GBF1: variants seen among roughly 807,000 people sequenced by gnomAD.
The protein encoded by GBF1 is Golgi-specific brefeldin A-resistance guanine nucleotide exchange factor 1.
In GBF1, 114 loss-of-function variants were observed where a neutral mutation model predicts 210.5. The ratio of observed to expected loss-of-function variants is 0.54; its 90% CI spans 0.47 to 0.63. The LOEUF (loss-of-function observed/expected upper bound fraction) is 0.63, where lower values mean the gene tolerates loss of function less well. Among genes scored for constraint, GBF1 ranks in the 30% least tolerant of loss-of-function variants. The pLI, the probability that GBF1 is intolerant of heterozygous loss-of-function variation, is 0.00. For synonymous variants in GBF1, 850 were observed against 889.2 expected (o/e 0.96, Z 0.78); for missense variants, 1,851 against 2,357.7 (o/e 0.79, Z 4.45).
chr10:102,241,572 C>T (rs2070539086), upstream of GBF1: 1 of 152,534 alleles, frequency 6.6e-6, no homozygotes, highest in Non-Finnish European at 1.5e-5. The surrounding 1 kb of genome is among the most constrained non-coding windows in gnomAD (Gnocchi z 6.7). Flanking sequence ...CCCGCCGCGG[C>T]GAGCCGCGCG....
intron 3 of GBF1, among the ~76,000 whole-genome samples, chr10:102,281,552 AT>A (rs1470467403): frequency 6.7e-6 from 1 of 149,298 alleles, no homozygotes; most frequent in African/African-American, 2.4e-5. Context: ...ATTTTTATAA[AT>A]TATCTATAAA....
chr10:102,359,184 G>A (rs1349214661), intron 10 of GBF1, 83 bp from the exon 11 acceptor site: 5 of 948,430 alleles, frequency 5.3e-6, no homozygotes, highest in Non-Finnish European at 6.9e-6. Flanking sequence ...GAGACAGCTT[G>A]GAAGACAGCT....
At chr10:102,231,854 G>C in the GBF1 span, 1 of 1,578,390 alleles carries the variant, frequency 6.3e-7, no homozygotes, top group Non-Finnish European at 8.6e-7. Flanking sequence ...CCGGCTCGGG[G>C]ACCTCCTAAG....
At position 102,351,920 on chromosome 10, in the gene GBF1, C is replaced by T. The variant is rs753205512; in HGVS notation, c.492C>T (p.Cys164=). 1 of 1,608,376 alleles carries T rather than the reference C, an allele frequency of 6.2e-7. No individual in the cohort carries two copies. ...NESVCEIMQS[C]FRICFEMRLS... is the part of the protein sequence containing the mutation. ...CTGTGTGTGAGATTATGCAGTCTTG[C>T]TTCCGGATCTGCTTTGAAATGAGGC... The change falls in exon 6 of 40, where the codon TGC becomes TGT. Residue 164 remains cysteine (C), a synonymous_variant. Coordinates refer to ENST00000369983, the MANE Select transcript of GBF1 (RefSeq NM_001377137.1).
In GBF1 at chr10:102,361,808, C is replaced by T; in HGVS notation, c.1582C>T (p.Gln528Ter). 1 of 1,613,044 alleles carries T rather than the reference C, an allele frequency of 6.2e-7. No homozygotes were observed. Among genetic ancestry groups the T allele is most frequent in the South Asian group, 1.1e-5 (1 of 91,056 alleles). Residue 528 changes from glutamine (Q) to a stop codon, truncating the protein, a stop_gained, in exon 14 of 40, where the codon CAG (glutamine) becomes TAG (stop). Coordinates refer to ENST00000369983, the MANE Select transcript of GBF1 (RefSeq NM_001377137.1). LOFTEE classifies it high-confidence loss of function. Reference sequence around the variant, plus strand: ...GGAGATGGCACTGGAGGCCATTGTGCAGCTCTGGCGCATCCCCAGCTTTGT... The same window carrying T: ...GGAGATGGCACTGGAGGCCATTGTGTAGCTCTGGCGCATCCCCAGCTTTGT... ...MKEMALEAIV[Q>*]LWRIPSFVTE...
chr10:102,288,742 A>AAC (rs2076190345), intron 3 of GBF1, among the ~76,000 whole-genome samples: 1 of 151,156 alleles, frequency 6.6e-6, no homozygotes, highest in Non-Finnish European at 1.5e-5. Flanking sequence ...AAAACAAAAA[A>AAC]AAAAAACGAA....
chr10:102,260,473 C>CTTTTTTTTT lies in GBF1; in HGVS notation c.163+359_163+360insTTTTTTTTT, dbSNP rs879575033. On this transcript the variant is annotated intron_variant, in intron 3 of 39. Transcript: ENST00000369983. ...CTGTGCCTGGCCTATATTTTCCTTT[C>CTTTTTTTTT]TTCTTTTTTTTTTTTTTTTTTTTTT... Among the ~76,000 whole-genome samples the CTTTTTTTTT allele has an allele frequency of 5.8e-3, 433 of 74,630 alleles. 53 individuals are homozygous for CTTTTTTTTT. The highest frequency in any genetic ancestry group is 0.016 in the Middle Eastern group (2 of 128). The allele number at this position is 74,630 out of a possible 152,430, so 49.0% of individuals were successfully genotyped here. A position where few individuals can be genotyped will look rare whatever the true frequency, so the allele number is the denominator to read the frequency against.
chr10:102,327,083 G>T (rs80276159), intron 3 of GBF1, among the ~76,000 whole-genome samples: 2 of 152,152 alleles, frequency 1.3e-5, no homozygotes, highest in African/African-American at 4.8e-5. Flanking sequence ...TCTCTAATCG[G>T]CATCCATTAG....
chr10:102,363,415 T>C lies in GBF1; in HGVS notation c.2017+19T>C. 2 of 1,607,544 alleles carry C rather than the reference T, an allele frequency of 1.2e-6. No individual in the cohort carries two copies. Among genetic ancestry groups the C allele is most frequent in the Non-Finnish European group, 1.7e-6 (2 of 1,175,742 alleles). ...TCTGGGGGTGGGTACTGGGTGTCCA[T>C]GACCCTAAGCTCCTCACCTGGAGGG... On this transcript the variant is annotated intron_variant, in intron 16 of 39. Coordinates refer to ENST00000369983, the MANE Select transcript of GBF1 (RefSeq NM_001377137.1). The surrounding 1 kb of genome is among the most constrained non-coding windows in gnomAD (Gnocchi z 4.2).
At chr10:102,351,533 C>G (rs1017143885) in intron 5 of GBF1, among the ~76,000 whole-genome samples, 159 bp downstream of exon 5, 1 of 152,172 alleles carries the variant, frequency 6.6e-6, no homozygotes, top group Non-Finnish European at 1.5e-5. Flanking sequence ...AAAGTAAAAG[C>G]TTTTTCTAAG....
At chr10:102,237,301 C>T in the GBF1 span, among the ~76,000 whole-genome samples, 45 of 152,142 alleles carry the variant, frequency 3.0e-4, no homozygotes, top group Admixed American at 7.8e-4. Context: ...AATATAGGCA[C>T]GTGACTGAAT....
In GBF1 at chr10:102,274,705, T is replaced by A. The variant is rs1425745436; in HGVS notation, c.163+14589T>A. Among the ~76,000 whole-genome samples the A allele has an allele frequency of 1.2e-4, 10 of 82,910 alleles. No homozygotes were observed. In the East Asian group the frequency reaches 3.1e-3, roughly 25 times the overall value. 54.4% of individuals were successfully genotyped at this position (82,910 alleles called of 152,430 possible). A position where few individuals can be genotyped will look rare whatever the true frequency, so the allele number is the denominator to read the frequency against. The stretch of plus-strand genomic sequence containing the variant: ...CTACAGGTGCAAAACAAAGATTTTT[T>A]TTTTTTTTTTTTTTTTTTTTTTTTG... On this transcript the variant is annotated intron_variant, in intron 3 of 39. Coordinates refer to ENST00000369983, the MANE Select transcript of GBF1 (RefSeq NM_001377137.1).
In GBF1 at chr10:102,245,729, G is replaced by A. The variant is rs1434422650; in HGVS notation, c.-63G>A. The A allele has an allele frequency of 2.6e-5, 4 of 152,234 alleles. No homozygotes were observed. Among genetic ancestry groups the A allele is most frequent in the Non-Finnish European group, 5.9e-5 (4 of 68,060 alleles). 9.4% of individuals were successfully genotyped at this position (152,234 alleles called of 1,614,324 possible). ...CCTCCGGGGTGCGGGCTGGACATGA[G>A]CAGCGGCTGCCGGTCCTGGGACTAG... On this transcript the variant is annotated 5_prime_UTR_variant, in exon 1 of 40. Coordinates refer to ENST00000369983, the MANE Select transcript of GBF1 (RefSeq NM_001377137.1).
chr10:102,301,049 C>T (rs1486427850), intron 3 of GBF1, among the ~76,000 whole-genome samples: 6 of 148,970 alleles, frequency 4.0e-5, no homozygotes, highest in Non-Finnish European at 5.9e-5. Context: ...GGCAGGGTCA[C>T]AGGACAATAG....
chr10:102,246,034 G>C (rs1473615461), intron 1 of GBF1, among the ~76,000 whole-genome samples: 4 of 152,178 alleles, frequency 2.6e-5, no homozygotes, highest in Non-Finnish European at 5.9e-5. Flanking sequence ...CAAATCTTCT[G>C]TTTTCCCAGG....
At chr10:102,262,268 G>A (rs1333890406) in intron 3 of GBF1, among the ~76,000 whole-genome samples, 1 of 152,182 alleles carries the variant, frequency 6.6e-6, no homozygotes, top group Non-Finnish European at 1.5e-5. Context: ...GCTGCTACTA[G>A]GTGGCATGTT....
At chr10:102,292,093 G>A (rs1015112548) in intron 3 of GBF1, among the ~76,000 whole-genome samples, 3 of 151,622 alleles carry the variant, frequency 2.0e-5, no homozygotes, top group African/African-American at 7.3e-5. Flanking sequence ...GTTTCACTGT[G>A]TTAGCCAGGA....
chr10:102,358,452 T>C, intron 9 of GBF1, 54 bp from the exon 10 acceptor site: 1 of 1,290,062 alleles, frequency 7.8e-7, no homozygotes, highest in Non-Finnish European at 1.1e-6. Flanking sequence ...AGAGGGTTTG[T>C]TTTGCCCACA....
chr10:102,266,612 T>A (rs1025023443), intron 3 of GBF1, among the ~76,000 whole-genome samples: 12 of 152,366 alleles, frequency 7.9e-5, no homozygotes, highest in African/African-American at 2.9e-4. Flanking sequence ...AGCAATCTGC[T>A]GCCAGCTTTT....
Sources: gnomAD v4.1 joint callset for allele counts (sites outside exome capture counted in the v4.1 genomes callset) on GRCh38, gnomAD v4.1.1 for gene constraint, Gnocchi (gnomAD v3.1) non-coding constraint, MANE v1.5 for transcripts, NCBI Gene and HGNC (gene_info 2026-07-23, HGNC 2026-07-21) for gene names.